DLGAP1: variants seen among roughly 807,000 people sequenced by gnomAD.
DLGAP1 encodes the protein disks large-associated protein 1.
A neutral mutation model predicts 90.8 loss-of-function variants in DLGAP1; 11 were observed. That is an observed-to-expected ratio of 0.12 (90% CI 0.08 to 0.20). DLGAP1 has a LOEUF of 0.20. Ranked by LOEUF, DLGAP1 falls within the 10% of genes least tolerant of loss-of-function variation. DLGAP1 has a pLI of 1.00. For synonymous variants in DLGAP1, 558 were observed against 540.7 expected, an observed-to-expected ratio of 1.03 and a Z score of -0.44; for missense variants, 1,050 against 1,333.8, an observed-to-expected ratio of 0.79 and a Z score of 3.31.
chr18:4,226,863 T>C (rs1453353146), intron 1 of DLGAP1, among the ~76,000 whole-genome samples: 4 of 151,840 alleles, frequency 2.6e-5, no homozygotes, highest in Non-Finnish European at 5.9e-5. Flanking sequence ...TACTTGTCAG[T>C]AATACCATTG....
At chr18:4,137,922 T>C (rs2144277097) in intron 2 of DLGAP1, among the ~76,000 whole-genome samples, 1 of 152,300 alleles carries the variant, frequency 6.6e-6, no homozygotes, top group Admixed American at 6.5e-5. Context: ...TTGTTTGCTG[T>C]TGGCATATAG....
intron 1 of DLGAP1, among the ~76,000 whole-genome samples, chr18:4,373,078 A>C (rs1208890898): frequency 2.6e-5 from 4 of 152,184 alleles, no homozygotes; most frequent in Admixed American, 1.3e-4. Flanking sequence ...CTTACACTAA[A>C]AAGTTTGGCC....
intron 2 of DLGAP1, among the ~76,000 whole-genome samples, chr18:4,100,835 C>T (rs1033295175): frequency 1.3e-5 from 2 of 152,164 alleles, no homozygotes; most frequent in East Asian, 3.9e-4. Context: ...ATGAACCAGC[C>T]TCTGCTAGCT....
chr18:4,347,648 G>T (rs2143934304), intron 1 of DLGAP1, among the ~76,000 whole-genome samples: 1 of 152,074 alleles, frequency 6.6e-6, no homozygotes, highest in African/African-American at 2.4e-5. Flanking sequence ...TCAAGAAATT[G>T]AATGTGATTT....
chr18:3,680,760 GC>G (rs1267524521), intron 7 of DLGAP1, among the ~76,000 whole-genome samples: 4 of 140,328 alleles, frequency 2.9e-5, no homozygotes, highest in Non-Finnish European at 6.0e-5. Flanking sequence ...CTGCACTCCA[GC>G]CTGGAAGACA....
intron 5 of DLGAP1, among the ~76,000 whole-genome samples, chr18:3,790,019 T>C (rs2065651462): frequency 6.6e-6 from 1 of 152,186 alleles, no homozygotes; most frequent in Admixed American, 6.5e-5. Flanking sequence ...AAGTTCTTCA[T>C]GGCTTTCAAA....
At chr18:4,155,055 GGGA>G in intron 1 of DLGAP1, among the ~76,000 whole-genome samples, 1 of 152,112 alleles carries the variant, frequency 6.6e-6, no homozygotes, top group East Asian at 1.9e-4. Flanking sequence ...GGGAGGTGTA[GGGA>G]GGAGAAGGGA....
chr18:4,454,600 T>C lies in DLGAP1; in HGVS notation c.-267+406A>G, dbSNP rs1361082552. Among the ~76,000 whole-genome samples the C allele has an allele frequency of 6.6e-6, 1 of 152,172 alleles. No individual in the cohort carries two copies. Among genetic ancestry groups the C allele is most frequent in the African/African-American group, 2.4e-5 (1 of 41,562 alleles). On this transcript the variant is annotated intron_variant, in intron 1 of 12. Transcript: ENST00000315677. This position sits in a 1 kb window ranked among gnomAD's most constrained non-coding sequence, Gnocchi z 4.7. ...TGCGGGGAGCAGCCCCCTCCTCCCC[T>C]GCAAGGTGCATCGGGGGTGGGGTGG...
intron 2 of DLGAP1, among the ~76,000 whole-genome samples, chr18:4,104,541 G>T (rs1297004497): frequency 1.3e-5 from 2 of 152,074 alleles, no homozygotes; most frequent in African/African-American, 2.4e-5. Context: ...ATCAGGTTTT[G>T]ATTTATTGCT....
rs149659017 is a variant in DLGAP1 at position 3,836,530 on chromosome 18, C to T, written c.958-22257G>A. ...TCACCCTGAATACTGTCACACACGT[C>T]GCAGGTGGATGAGATTTGTCCACTG... On this transcript the variant is annotated intron_variant, in intron 4 of 12. Coordinates refer to ENST00000315677, the MANE Select transcript of DLGAP1 (RefSeq NM_004746.4). Among the ~76,000 whole-genome samples the T allele has an allele frequency of 2.6e-3, 402 of 152,230 alleles. 1 individual carries two copies. Among genetic ancestry groups the T allele is most frequent in the Middle Eastern group, 0.017 (5 of 294 alleles).
rs2072389837 is a variant in DLGAP1 at position 3,926,446 on chromosome 18, ATG to A, written c.-72-46308_-72-46307del. Among the ~76,000 whole-genome samples, 10 of 149,402 alleles carry A rather than the reference ATG, an allele frequency of 6.7e-5. No homozygotes were observed. The South Asian group carries it at 8.7e-4, about 13-fold the overall frequency. On this transcript the variant is annotated intron_variant, in intron 3 of 12. Coordinates refer to ENST00000315677, the MANE Select transcript of DLGAP1 (RefSeq NM_004746.4). ...TACACACACACACACACACACACAC[ATG>A]CATGTATGTATATATGTGCCTATGT...
At position 4,269,354 on chromosome 18, in the gene DLGAP1, A is replaced by ATT. The variant is rs202021108; in HGVS notation, c.-266-118069_-266-118068dup. ...TATACATATATATATATATATATAT[A>ATT]TTTTTTTTTTTCTTTTTGAGACGGA... On this transcript the variant is annotated intron_variant, in intron 1 of 12. Transcript: ENST00000315677. Among the ~76,000 whole-genome samples the ATT allele has an allele frequency of 3.3e-3, 439 of 132,078 alleles. 4 individuals are homozygous for ATT. The highest frequency in any genetic ancestry group is 8.4e-3 in the African/African-American group (292 of 34,862). The allele number at this position is 132,078 out of a possible 152,430, so 86.6% of individuals were successfully genotyped here.
intron 1 of DLGAP1, among the ~76,000 whole-genome samples, chr18:4,253,140 C>T (rs1299965011): frequency 2.0e-5 from 3 of 152,270 alleles, no homozygotes; most frequent in Non-Finnish European, 4.4e-5. Context: ...CATTCACTCC[C>T]TCAGTAAAGT....
At chr18:4,314,240 G>C (rs2080472228) in intron 1 of DLGAP1, among the ~76,000 whole-genome samples, 1 of 152,198 alleles carries the variant, frequency 6.6e-6, no homozygotes, top group South Asian at 2.1e-4. Flanking sequence ...AGATTCTGAA[G>C]TCTAGGAACT....
intron 1 of DLGAP1, among the ~76,000 whole-genome samples, chr18:4,243,054 A>G (rs1473536525): frequency 6.6e-6 from 1 of 151,968 alleles, no homozygotes. Context: ...TGCTCAGTTG[A>G]CTCACCTGCC....
chr18:4,412,098 T>C (rs148244401), intron 1 of DLGAP1, among the ~76,000 whole-genome samples: 13 of 152,250 alleles, frequency 8.5e-5, no homozygotes, highest in African/African-American at 2.6e-4. Context: ...TCATTTCCTA[T>C]AGTCAGATGC....
chr18:3,890,041 A>G (rs1175800906), intron 3 of DLGAP1, among the ~76,000 whole-genome samples: 2 of 152,104 alleles, frequency 1.3e-5, no homozygotes, highest in African/African-American at 2.4e-5. Flanking sequence ...CAGCAGAACC[A>G]AGGCAGGCCC....
chr18:3,815,940 T>C (rs2067083966), intron 4 of DLGAP1, among the ~76,000 whole-genome samples: 1 of 152,004 alleles, frequency 6.6e-6, no homozygotes, highest in Non-Finnish European at 1.5e-5. Context: ...GCAGTAATGG[T>C]GATGGGAAAG....
intron 3 of DLGAP1, chr18:3,978,332 A>G (rs1275271017): frequency 5.5e-6 from 2 of 366,550 alleles, no homozygotes. Flanking sequence ...GGACTCCACA[A>G]CGTACTCAGT....
Sources: allele counts gnomAD v4.1 joint callset (sites outside exome capture counted in the v4.1 genomes callset), GRCh38; gene constraint gnomAD v4.1.1; non-coding constraint Gnocchi (gnomAD v3.1); transcripts MANE v1.5; gene names NCBI Gene and HGNC (gene_info 2026-07-23, HGNC 2026-07-21).